RPH3A: variants seen among roughly 807,000 people sequenced by gnomAD.
RPH3A encodes the protein rabphilin 3A.
In RPH3A, 48 loss-of-function variants were observed where a neutral mutation model predicts 102.2. The ratio of observed to expected loss-of-function variants is 0.47; its 90% confidence interval spans 0.37 to 0.60. RPH3A has a LOEUF of 0.60. Ranked by LOEUF, RPH3A falls within the 20% of genes least tolerant of loss-of-function variation. The pLI is 0.00. For synonymous variants in RPH3A, 310 were observed against 324.3 expected (o/e 0.96, Z 0.47); for missense variants, 781 against 910.1 (o/e 0.86, Z 1.83).
chr12:112,808,102 T>G lies in RPH3A; in HGVS notation c.-19+15839T>G, dbSNP rs56664937. 4.6e-3 allele frequency among the ~76,000 whole-genome samples: 700 copies of G among 152,248 alleles called. 7 individuals carry two copies. The highest frequency in any genetic ancestry group is 0.016 in the African/African-American group (674 of 41,528). ...ATGATCTTTGCTCTTATTCAAAACC[T>G]TACCCTCTCCCCAGATGACTCTAAC... is the stretch of plus-strand genomic sequence containing the variant. On this transcript the variant is annotated intron_variant, in intron 2 of 21. Transcript: ENST00000389385.
intron 5 of RPH3A, among the ~76,000 whole-genome samples, chr12:112,859,981 C>T (rs2042480588): frequency 6.6e-6 from 1 of 152,304 alleles, no homozygotes; most frequent in African/African-American, 2.4e-5. Flanking sequence ...TTTCTTAACA[C>T]TGGCTGATTG....
chr12:112,808,031 G>A (rs930899648), intron 2 of RPH3A, among the ~76,000 whole-genome samples: 5 of 152,162 alleles, frequency 3.3e-5, no homozygotes, highest in African/African-American at 1.2e-4. Flanking sequence ...TGGAGTAGGT[G>A]CTCAGTAAGT....
chr12:112,637,320 AC>A (rs1489721878), intron 1 of RPH3A, among the ~76,000 whole-genome samples: 2 of 152,204 alleles, frequency 1.3e-5, no homozygotes, highest in Non-Finnish European at 2.9e-5. Flanking sequence ...GCAAAAGTAG[AC>A]AAAATAGTAT....
At chr12:112,741,501 G>A (rs1007630927) in intron 1 of RPH3A, among the ~76,000 whole-genome samples, 18 of 152,128 alleles carry the variant, frequency 1.2e-4, no homozygotes, top group Admixed American at 3.9e-4. Context: ...TTAGAAGACC[G>A]CTTTAATGAG....
At chr12:112,619,950 T>TA (rs1418998567) in intron 1 of RPH3A, among the ~76,000 whole-genome samples, 2 of 152,214 alleles carry the variant, frequency 1.3e-5, no homozygotes, top group Admixed American at 6.5e-5. Flanking sequence ...TGGCACAAGC[T>TA]AAATAGTTCA....
At chr12:112,727,538 A>G (rs1246590230) in intron 1 of RPH3A, among the ~76,000 whole-genome samples, 3 of 133,190 alleles carry the variant, frequency 2.3e-5, no homozygotes, top group Admixed American at 7.9e-5. Context: ...ATTTTCTAAC[A>G]TGACCACTAC....
intron 1 of RPH3A, among the ~76,000 whole-genome samples, chr12:112,785,352 T>C (rs1185350888): frequency 6.6e-6 from 1 of 152,044 alleles, no homozygotes; most frequent in African/African-American, 2.4e-5. Context: ...GATAATGCTA[T>C]GGAGGTGATG....
At chr12:112,853,984 G>A (rs534190531) in intron 5 of RPH3A, among the ~76,000 whole-genome samples, 4 of 152,256 alleles carry the variant, frequency 2.6e-5, no homozygotes, top group South Asian at 2.1e-4. Flanking sequence ...CCCTTACGGC[G>A]TCCCTCATGG....
At chr12:112,666,778 A>G (rs1043005780) in intron 1 of RPH3A, among the ~76,000 whole-genome samples, 7 of 152,334 alleles carry the variant, frequency 4.6e-5, no homozygotes, top group African/African-American at 1.7e-4. Context: ...ACTTTGCTCC[A>G]AAGCAAAAGT....
intron 1 of RPH3A, among the ~76,000 whole-genome samples, chr12:112,627,445 G>A (rs2039774935): frequency 6.7e-6 from 1 of 149,810 alleles, no homozygotes. Context: ...AATATCATAT[G>A]ATTACATATC....
At chr12:112,777,807 G>A (rs1033738946) in intron 1 of RPH3A, among the ~76,000 whole-genome samples, 2 of 152,252 alleles carry the variant, frequency 1.3e-5, no homozygotes, top group African/African-American at 4.8e-5. Context: ...CTATAGTCTT[G>A]CTCACAATAC....
At chr12:112,759,495 G>C (rs547358535) in intron 1 of RPH3A, among the ~76,000 whole-genome samples, 2 of 152,302 alleles carry the variant, frequency 1.3e-5, no homozygotes, top group South Asian at 4.1e-4. Context: ...TAATTAGAGA[G>C]TGCTGCTTGA....
intron 8 of RPH3A, 126 bp from the exon 9 acceptor site, chr12:112,869,633 G>C: frequency 1.1e-6 from 1 of 938,736 alleles, no homozygotes; most frequent in East Asian, 2.5e-5. Flanking sequence ...TTGGGAGAAA[G>C]ACTTTTAATT....
In RPH3A at chr12:112,868,612, G is replaced by T; in HGVS notation, c.610+17G>T. 6.2e-7 allele frequency: 1 copy of T among 1,611,314 alleles called. No individual in the cohort carries two copies. The highest frequency in any genetic ancestry group is 1.1e-5 in the South Asian group (1 of 90,818). On this transcript the variant is annotated intron_variant, in intron 8 of 21. Coordinates refer to ENST00000389385, the MANE Select transcript of RPH3A (RefSeq NM_001143854.2). ...CAGCTCGAGGTAGGACAAAACAGGT[G>T]CTTCTTTCAGGACCAAGGACAGATC...
At chr12:112,749,116 A>G (rs2040768493) in intron 1 of RPH3A, among the ~76,000 whole-genome samples, 2 of 152,162 alleles carry the variant, frequency 1.3e-5, no homozygotes, top group African/African-American at 2.4e-5. Context: ...CCTTCTGTGC[A>G]TTATCTCAAG....
chr12:112,852,470 C>T (rs2042338317), intron 5 of RPH3A, among the ~76,000 whole-genome samples: 1 of 152,156 alleles, frequency 6.6e-6, no homozygotes, highest in Admixed American at 6.5e-5. Flanking sequence ...GATCTGAGGA[C>T]AAGAACACAG....
intron 1 of RPH3A, among the ~76,000 whole-genome samples, chr12:112,633,558 G>A (rs374073977): frequency 1.9e-4 from 29 of 152,244 alleles, no homozygotes; most frequent in African/African-American, 6.7e-4. Context: ...GGCTACCTTG[G>A]AACTGATGGG....
rs368756550 is a variant in RPH3A, at chr12:112,895,892, A to G, written c.1954+19A>G. On this transcript the variant is annotated intron_variant, in intron 21 of 21. Coordinates refer to ENST00000389385, the MANE Select transcript of RPH3A (RefSeq NM_001143854.2). ...TACATCGGTGAGTGTTCCTAACTCC[A>G]GAGAAAACGCCCTCTTCTGTCCTCC... The G allele has an allele frequency of 2.6e-6, 4 of 1,558,986 alleles. No homozygotes were observed. The African/African-American group carries it at 4.1e-5, about 16-fold the overall frequency.
At chr12:112,780,558 T>C (rs145183735) in intron 1 of RPH3A, among the ~76,000 whole-genome samples, 1 of 152,218 alleles carries the variant, frequency 6.6e-6, no homozygotes, top group Non-Finnish European at 1.5e-5. Context: ...CCAGATAACA[T>C]TGGCATTTTC....
Sources: gnomAD v4.1 joint callset for allele counts (sites outside exome capture counted in the v4.1 genomes callset) on GRCh38, gnomAD v4.1.1 for gene constraint, MANE v1.5 for transcripts, NCBI Gene and HGNC (gene_info 2026-07-23, HGNC 2026-07-21) for gene names.